Variants in CPNE8 observed in about 807,000 individuals in gnomAD.
CPNE8 encodes copine 8.
Under a neutral mutation model 81.5 loss-of-function variants are expected in CPNE8, and 45 were observed. The ratio of observed to expected loss-of-function variants is 0.55; its 90% CI spans 0.44 to 0.71. The LOEUF (loss-of-function observed/expected upper bound fraction) is 0.71, where lower values mean the gene tolerates loss of function less well. Ranked by LOEUF, CPNE8 falls within the 30% of genes least tolerant of loss-of-function variation. The pLI is 0.00. For synonymous variants in CPNE8, 252 were observed against 226.3 expected (o/e 1.11, Z -1.02); for missense variants, 594 against 672.1 (o/e 0.88, Z 1.28).
intron 6 of CPNE8, among the ~76,000 whole-genome samples, chr12:38,796,217 G>A (rs1432518309): frequency 1.3e-5 from 2 of 152,128 alleles, no homozygotes; most frequent in African/African-American, 2.4e-5. Flanking sequence ...AACTTGGGAG[G>A]CAGGAGTTGC....
intron 6 of CPNE8, among the ~76,000 whole-genome samples, chr12:38,828,005 T>C (rs1943227424): frequency 6.6e-6 from 1 of 152,096 alleles, no homozygotes; most frequent in Admixed American, 6.6e-5. Context: ...GAATAAGAAG[T>C]GTACCCATTC....
intron 5 of CPNE8, among the ~76,000 whole-genome samples, chr12:38,837,214 T>C (rs1352833537): frequency 2.6e-5 from 4 of 152,068 alleles, no homozygotes; most frequent in East Asian, 3.9e-4. Context: ...GAATAGGACT[T>C]GGTGGCTCAG....
chr12:38,900,842 C>G (rs185867812), intron 1 of CPNE8, among the ~76,000 whole-genome samples: 22 of 152,258 alleles, frequency 1.4e-4, no homozygotes, highest in Admixed American at 9.8e-4. Flanking sequence ...TACACCAGGT[C>G]AGGAAGGGCT....
chr12:38,894,251 T>G (rs1003809694), intron 1 of CPNE8, among the ~76,000 whole-genome samples: 1 of 152,106 alleles, frequency 6.6e-6, no homozygotes, highest in African/African-American at 2.4e-5. Context: ...GTGATTTAAG[T>G]GAAACAAAGA....
intron 10 of CPNE8, among the ~76,000 whole-genome samples, chr12:38,739,641 C>T (rs914215661): frequency 6.6e-6 from 1 of 152,030 alleles, no homozygotes; most frequent in African/African-American, 2.4e-5. Flanking sequence ...ATTTTTTTCA[C>T]CCCCTCAAAA....
intron 3 of CPNE8, among the ~76,000 whole-genome samples, chr12:38,860,105 G>T (rs1943807178): frequency 6.6e-6 from 1 of 152,028 alleles, no homozygotes; most frequent in South Asian, 2.1e-4. Context: ...GGAAAGCAGA[G>T]TCAAAAGGCA....
At position 38,891,607 on chromosome 12, in the gene CPNE8, C is replaced by T. The variant is rs12305985; in HGVS notation, c.98+13830G>A. On this transcript the variant is annotated intron_variant, in intron 1 of 19. Coordinates refer to ENST00000331366, the MANE Select transcript of CPNE8 (RefSeq NM_153634.3). ...GTATTACAGGCAGGCGCCACCATGC[C>T]GGGCTAATTTTGTATTTTTAGTAGA... Among the ~76,000 whole-genome samples, 1,428 of 152,094 alleles carry T rather than the reference C, an allele frequency of 9.4e-3. 22 individuals carry two copies. The highest frequency in any genetic ancestry group is 0.031 in the African/African-American group (1,306 of 41,500).
chr12:38,902,137 A>T (rs1178409627), intron 1 of CPNE8, among the ~76,000 whole-genome samples: 1 of 150,734 alleles, frequency 6.6e-6, no homozygotes, highest in Non-Finnish European at 1.5e-5. Context: ...CAGTGAAAGG[A>T]GGTGAAAGAA....
At chr12:38,727,604 C>A (rs1237054009) in intron 11 of CPNE8, among the ~76,000 whole-genome samples, 8 of 152,114 alleles carry the variant, frequency 5.3e-5, no homozygotes, top group Admixed American at 5.2e-4. Context: ...TAACTCAAAG[C>A]CTGCTCAGAG....
chr12:38,739,903 G>A (rs1486771018), intron 10 of CPNE8, among the ~76,000 whole-genome samples: 1 of 152,094 alleles, frequency 6.6e-6, no homozygotes, highest in Non-Finnish European at 1.5e-5. Context: ...AAGTAGATAA[G>A]ATAAGGTAGA....
intron 6 of CPNE8, among the ~76,000 whole-genome samples, chr12:38,781,962 G>T (rs1479767860): frequency 1.3e-5 from 2 of 152,052 alleles, no homozygotes; most frequent in African/African-American, 4.8e-5. Context: ...TCAAAAGAAA[G>T]TGTACATCCT....
In CPNE8 at chr12:38,722,697, T is replaced by C. The variant is rs527465881; in HGVS notation, c.914+1075A>G. Among the ~76,000 whole-genome samples the C allele has an allele frequency of 2.6e-5, 4 of 152,350 alleles. No homozygotes were observed. In the South Asian group the frequency reaches 6.2e-4, roughly 24 times the overall value. On this transcript the variant is annotated intron_variant, in intron 13 of 19. Transcript: ENST00000331366. ...ACAAGGTGAAGGAAAATAGAATGTG[T>C]AGACATTTTATACTGCAAGACAACC...
At chr12:38,774,935 A>G (rs1474516748) in intron 7 of CPNE8, among the ~76,000 whole-genome samples, 1 of 151,948 alleles carries the variant, frequency 6.6e-6, no homozygotes, top group African/African-American at 2.4e-5. Context: ...AACTATTTCC[A>G]CTCATCTGTT....
At chr12:38,661,082 A>G (rs985872097) in intron 19 of CPNE8, among the ~76,000 whole-genome samples, 1 of 152,212 alleles carries the variant, frequency 6.6e-6, no homozygotes, top group Admixed American at 6.5e-5. Context: ...TAGAAATACC[A>G]TTTGACCCAG....
intron 19 of CPNE8, among the ~76,000 whole-genome samples, chr12:38,655,052 G>A (rs1393795350): frequency 6.6e-6 from 1 of 152,004 alleles, no homozygotes; most frequent in African/African-American, 2.4e-5. Flanking sequence ...AAAAGATCTT[G>A]GCATAAGATT....
At chr12:38,848,739 A>T in intron 3 of CPNE8, 77 bp from the exon 4 acceptor site, 2 of 1,414,972 alleles carry the variant, frequency 1.4e-6, no homozygotes, top group Non-Finnish European at 1.8e-6. Flanking sequence ...AATATCACAC[A>T]GTTCTTTTAA....
chr12:38,720,997 T>C (rs957263032), intron 13 of CPNE8: 5 of 152,712 alleles, frequency 3.3e-5, no homozygotes, highest in African/African-American at 1.2e-4. Context: ...GAAGAGCTCC[T>C]GCCCTCACAG....
At chr12:38,784,401 G>C (rs1254914127) in intron 6 of CPNE8, among the ~76,000 whole-genome samples, 2 of 152,116 alleles carry the variant, frequency 1.3e-5, no homozygotes, top group Non-Finnish European at 2.9e-5. Flanking sequence ...AAATCTAAAA[G>C]CTACTGGCCT....
intron 10 of CPNE8, among the ~76,000 whole-genome samples, chr12:38,753,372 A>C (rs1225635531): frequency 6.6e-6 from 1 of 152,220 alleles, no homozygotes; most frequent in Non-Finnish European, 1.5e-5. Context: ...GAATCACCTG[A>C]ATCTGGGAAG....
Sources: gnomAD v4.1 joint callset for allele counts (sites outside exome capture counted in the v4.1 genomes callset) on GRCh38, gnomAD v4.1.1 for gene constraint, MANE v1.5 for transcripts, NCBI Gene and HGNC (gene_info 2026-07-23, HGNC 2026-07-21) for gene names.